The following ASB5 variants were observed in gnomAD, a reference collection of about 807,000 sequenced individuals.
ASB5 encodes ankyrin repeat and SOCS box containing 5.
In ASB5, 45 loss-of-function variants were observed where a neutral mutation model predicts 42.1. The ratio of observed to expected loss-of-function variants is 1.07; its 90% CI spans 0.84 to 1.37. ASB5 has a LOEUF of 1.37. Among genes scored for constraint, ASB5 ranks in the 40% most tolerant of loss-of-function variants. The pLI is 0.00. For synonymous variants in ASB5, 147 were observed against 150.6 expected, an observed-to-expected ratio of 0.98 and a Z score of 0.18; for missense variants, 402 against 399.8, an observed-to-expected ratio of 1.01 and a Z score of -0.05.
At chr4:176,230,849 G>C (rs1020483113) in intron 1 of ASB5, among the ~76,000 whole-genome samples, 1 of 152,140 alleles carries the variant, frequency 6.6e-6, no homozygotes, top group African/African-American at 2.4e-5. Flanking sequence ...CTTTCATTGA[G>C]TGTCTAAGAT....
chr4:176,220,363 A>G (rs1256255419), intron 5 of ASB5, among the ~76,000 whole-genome samples: 1 of 152,218 alleles, frequency 6.6e-6, no homozygotes, highest in Admixed American at 6.5e-5. Flanking sequence ...CTAAAAATAA[A>G]GGTCAGCATT....
chr4:176,250,884 C>A lies in ASB5; in HGVS notation c.196+18029G>T, dbSNP rs1754019122. ...TCCTGGCATGTACATAAGAACTGGG[C>A]ATTTACCATTCTTATAAAATGACAC... On this transcript the variant is annotated intron_variant, in intron 1 of 6. Transcript: ENST00000296525. Among the ~76,000 whole-genome samples, 5 of 152,156 alleles carry A rather than the reference C, an allele frequency of 3.3e-5. No individual in the cohort carries two copies. The South Asian group carries it at 1.0e-3, about 32-fold the overall frequency.
Position 176,221,430 on chromosome 4 carries a change from TA to T in ASB5, c.535+19del. On this transcript the variant is annotated intron_variant, in intron 4 of 6. Transcript: ENST00000296525. ...AAAGAAACTTTCTTCCCTTGTCACT[TA>T]ATCCCAGAACTAAGTTACCTTTACT... is the stretch of plus-strand genomic sequence containing the variant. 11 of 1,609,820 alleles carry T rather than the reference TA, an allele frequency of 6.8e-6. No individual in the cohort carries two copies. The highest frequency in any genetic ancestry group is 9.3e-6 in the Non-Finnish European group (11 of 1,177,898).
intron 5 of ASB5, among the ~76,000 whole-genome samples, chr4:176,219,861 A>G (rs1275947971): frequency 6.6e-6 from 1 of 151,520 alleles, no homozygotes; most frequent in Non-Finnish European, 1.5e-5. Context: ...ATATTTTAAA[A>G]CCCAGTATAA....
At chr4:176,222,254 T>C in intron 3 of ASB5, 59 bp downstream of exon 3, 1 of 1,432,842 alleles carries the variant, frequency 7.0e-7, no homozygotes, top group Non-Finnish European at 9.7e-7. Flanking sequence ...AAATGAGAAC[T>C]CTGTTGGATT....
At chr4:176,222,227 T>A (rs72706385) in intron 3 of ASB5, 86 bp downstream of exon 3, 162,281 of 1,224,544 alleles carry the variant, frequency 0.13, 11,785 homozygotes, top group Admixed American at 0.2. Flanking sequence ...CTACCGAGAA[T>A]GAAGGAAAGA....
At chr4:176,227,090 T>C (rs991210711) in intron 1 of ASB5, among the ~76,000 whole-genome samples, 3 of 152,196 alleles carry the variant, frequency 2.0e-5, no homozygotes, top group African/African-American at 7.2e-5. Context: ...CAATGAGTGG[T>C]CATGGCAGTC....
chr4:176,215,582 T>C lies in ASB5; in HGVS notation c.*18A>G. The C allele has an allele frequency of 1.2e-6, 2 of 1,602,684 alleles. No individual in the cohort carries two copies. The highest frequency in any genetic ancestry group is 1.7e-6 in the Non-Finnish European group (2 of 1,174,884). Reference sequence around the variant, plus strand: ...TAGAAATTTTGATTTTCAAGGTATTTAGAATTACTTTACTGTTTTATCGAT... The same window carrying C: ...TAGAAATTTTGATTTTCAAGGTATTCAGAATTACTTTACTGTTTTATCGAT... On this transcript the variant is annotated 3_prime_UTR_variant, in exon 7 of 7. Coordinates refer to ENST00000296525, the MANE Select transcript of ASB5 (RefSeq NM_080874.4).
chr4:176,215,680 A>G lies in ASB5; in HGVS notation c.910T>C (p.Tyr304His), dbSNP rs1752947365. The G allele has an allele frequency of 8.1e-6, 13 of 1,613,110 alleles. No individual in the cohort carries two copies. The South Asian group carries it at 1.2e-4, about 15-fold the overall frequency. ...YQLCRLCIRS[Y>H]IGKPRLHLIP... Reference sequence around the variant, plus strand: ...AGGTGCAATCTTGGTTTTCCTATGTAGCTTCGGATACAGAGTCGGCAAAGT... The same window carrying G: ...AGGTGCAATCTTGGTTTTCCTATGTGGCTTCGGATACAGAGTCGGCAAAGT... Residue 304 changes from tyrosine (Y) to histidine (H), a missense_variant, in exon 7 of 7, where the codon TAC (tyrosine) becomes CAC (histidine). By Grantham distance (83) the Tyr-to-His change is moderately conservative. Coordinates refer to ENST00000296525, the MANE Select transcript of ASB5 (RefSeq NM_080874.4).
chr4:176,266,109 A>C (rs1280738587), intron 1 of ASB5, among the ~76,000 whole-genome samples: 1 of 152,162 alleles, frequency 6.6e-6, no homozygotes, highest in Non-Finnish European at 1.5e-5. Context: ...AAAAAAAACC[A>C]CCAGATATTT....
At chr4:176,242,511 T>G (rs937838882) in intron 1 of ASB5, among the ~76,000 whole-genome samples, 1 of 152,224 alleles carries the variant, frequency 6.6e-6, no homozygotes, top group African/African-American at 2.4e-5. Flanking sequence ...GTCCATTTTG[T>G]CTTAATATTC....
At chr4:176,237,478 A>C (rs139809199) in intron 1 of ASB5, 12 of 985,896 alleles carry the variant, frequency 1.2e-5, no homozygotes, top group Middle Eastern at 1.0e-3. Flanking sequence ...TGCTCTAGCA[A>C]GAAGAAATAT....
chr4:176,215,420 G>A lies in ASB5; in HGVS notation c.*180C>T, dbSNP rs534297702. 2 of 483,974 alleles carry A rather than the reference G, an allele frequency of 4.1e-6. No individual in the cohort carries two copies. Among genetic ancestry groups the A allele is most frequent in the Admixed American group, 4.0e-5 (1 of 24,980 alleles). The allele number at this position is 483,974 out of a possible 1,614,324, so 30.0% of individuals were successfully genotyped here. A position where few individuals can be genotyped will look rare whatever the true frequency, so the allele number is the denominator to read the frequency against. The stretch of plus-strand genomic sequence containing the variant: ...ATAAATATGCTATAATCCAAAGACA[G>A]CATAAATGATAAAACAATAGTACTA... On this transcript the variant is annotated 3_prime_UTR_variant, in exon 7 of 7. Transcript: ENST00000296525.
At chr4:176,273,598 C>A (rs780556510), upstream of ASB5, among the ~76,000 whole-genome samples, 32 of 152,150 alleles carry the variant, frequency 2.1e-4, no homozygotes, top group Non-Finnish European at 7.3e-5. Context: ...CAAAAAGGGT[C>A]ATTAACTTAG....
chr4:176,231,842 C>T (rs555032259), intron 1 of ASB5, among the ~76,000 whole-genome samples: 13 of 9,340 alleles, frequency 1.4e-3, no homozygotes, highest in African/African-American at 4.0e-3. Context: ...GAGACTCTGT[C>T]TCAAAACAAA....
intron 1 of ASB5, among the ~76,000 whole-genome samples, chr4:176,257,334 G>A (rs941560125): frequency 6.6e-6 from 1 of 152,138 alleles, no homozygotes; most frequent in Non-Finnish European, 1.5e-5. Context: ...GACCAAATGC[G>A]CCCAGGAAAA....
Position 176,216,937 on chromosome 4 carries a change from A to G in ASB5, c.743T>C (p.Ile248Thr), listed in dbSNP as rs972599618. The G allele has an allele frequency of 8.7e-6, 14 of 1,613,866 alleles. No individual in the cohort carries two copies. The highest frequency in any genetic ancestry group is 1.2e-5 in the Non-Finnish European group (14 of 1,179,964). The change falls in exon 6 of 7, where the codon ATT (isoleucine) becomes ACT (threonine). Residue 248 changes from isoleucine to threonine, a missense_variant. By Grantham distance (89) the Ile-to-Thr change is moderately conservative. Transcript: ENST00000296525. ...HAAAQQSSTE[I>T]VNLLLEFGAD... is the part of the protein sequence containing the mutation. ...TCCAAATTCTAGCAGTAAGTTTACAATTTCTGTGCTGGATTGTTGAGCAGC... is the reference window on the plus strand; with the variant it reads ...TCCAAATTCTAGCAGTAAGTTTACAGTTTCTGTGCTGGATTGTTGAGCAGC...
rs1561252764 is a variant in ASB5, at chr4:176,222,310, T to TA, written c.384+2dup. The stretch of plus-strand genomic sequence containing the variant: ...AATGATTAATGTTTTGAAAGGTACT[T>TA]ACATTAGCTCCTGCTTCCAGCAGAG... On this transcript the variant is annotated splice_region_variant and intron_variant, in intron 3 of 6. Transcript: ENST00000296525. The TA allele has an allele frequency of 1.9e-6, 3 of 1,603,246 alleles. No individual in the cohort carries two copies. The highest frequency in any genetic ancestry group is 2.6e-6 in the Non-Finnish European group (3 of 1,170,086).
intron 6 of ASB5, among the ~76,000 whole-genome samples, chr4:176,216,013 G>A (rs2126935826): frequency 6.6e-6 from 1 of 152,092 alleles, no homozygotes; most frequent in African/African-American, 2.4e-5. Context: ...GCTTTTTGAA[G>A]GAGATATAAA....
Sources: gnomAD v4.1 joint callset for allele counts (sites outside exome capture counted in the v4.1 genomes callset) on GRCh38, gnomAD v4.1.1 for gene constraint, MANE v1.5 for transcripts, NCBI Gene and HGNC (gene_info 2026-07-23, HGNC 2026-07-21) for gene names.